The following PRKACA variants were observed in gnomAD, a reference collection of about 807,000 sequenced individuals.
The protein encoded by PRKACA is protein kinase cAMP-activated catalytic subunit alpha.
A neutral mutation model predicts 45.8 loss-of-function variants in PRKACA; 9 were observed. That is an observed-to-expected ratio of 0.20 (90% confidence interval 0.12 to 0.34). The LOEUF is 0.34. Among genes scored for constraint, PRKACA ranks in the 10% least tolerant of loss-of-function variants. The probability of loss-of-function intolerance (pLI) is 1.00; values close to 1 mark genes in which losing one functional copy is unlikely to be tolerated. For missense variants in PRKACA, 238 were observed against 458.6 expected (o/e 0.52, Z 4.39); for synonymous variants, 160 against 178.6 (o/e 0.90, Z 0.83).
chr19:14,114,554 G>A (rs1300673188), intron 1 of PRKACA, among the ~76,000 whole-genome samples: 1 of 151,884 alleles, frequency 6.6e-6, no homozygotes, highest in Non-Finnish European at 1.5e-5. Flanking sequence ...GGGATCGGGG[G>A]CTCCCTTTTA....
chr19:14,098,983 A>C (rs765574844), intron 5 of PRKACA, among the ~76,000 whole-genome samples: 4 of 152,112 alleles, frequency 2.6e-5, no homozygotes, highest in Non-Finnish European at 5.9e-5. Context: ...ATCTATAGTT[A>C]TCTATCTAAA....
rs1471045737 is a variant in PRKACA at position 14,093,297 on chromosome 19, A to G, written c.931-60T>C. The G allele has an allele frequency of 2.5e-6, 4 of 1,571,764 alleles. 1 individual carries two copies. The highest frequency in any genetic ancestry group is 3.5e-6 in the Non-Finnish European group (4 of 1,152,374). On this transcript the variant is annotated intron_variant, in intron 9 of 9. Coordinates refer to ENST00000308677, the MANE Select transcript of PRKACA (RefSeq NM_002730.4). Reference sequence around the variant, plus strand: ...ATTCAACATAATCATTATTACAACAATAAATGCGAATGGCCTAACATTCAA... The same window carrying G: ...ATTCAACATAATCATTATTACAACAGTAAATGCGAATGGCCTAACATTCAA...
chr19:14,105,267 T>C (rs1977568551), intron 3 of PRKACA, among the ~76,000 whole-genome samples: 2 of 152,104 alleles, frequency 1.3e-5, no homozygotes, highest in African/African-American at 2.4e-5. Context: ...ATCCCAGCAC[T>C]TTGGAAGGCT....
In PRKACA at chr19:14,092,794, G is replaced by T; in HGVS notation, c.*318C>A. ...TGGATACACCAGCAAGACCTGGTCT[G>T]ACTGGAGTTGAGAAACTCGTTTAAA... is the stretch of plus-strand genomic sequence containing the variant. On this transcript the variant is annotated 3_prime_UTR_variant, in exon 10 of 10. Transcript: ENST00000308677. 2.2e-6 allele frequency: 1 copy of T among 465,052 alleles called. No homozygotes were observed. The highest frequency in any genetic ancestry group is 5.5e-5 in the South Asian group (1 of 18,126). 28.8% of individuals were successfully genotyped at this position (465,052 alleles called of 1,614,324 possible). A position where few individuals can be genotyped will look rare whatever the true frequency, so the allele number is the denominator to read the frequency against.
intron 1 of PRKACA, among the ~76,000 whole-genome samples, chr19:14,112,857 G>A (rs183555790): frequency 3.3e-5 from 5 of 152,334 alleles, no homozygotes; most frequent in African/African-American, 1.2e-4. Flanking sequence ...GGGCAGAGGG[G>A]AAAGAGTTAA....
chr19:14,103,001 A>C (rs951347277), intron 3 of PRKACA, 87 bp from the exon 4 acceptor site: 3 of 1,095,780 alleles, frequency 2.7e-6, no homozygotes, highest in Non-Finnish European at 4.2e-6. Flanking sequence ...GGGATGCCGG[A>C]GCCAGGCCGG....
At chr19:14,116,337 T>C (rs1967105235) in intron 1 of PRKACA, among the ~76,000 whole-genome samples, 5 of 152,122 alleles carry the variant, frequency 3.3e-5, no homozygotes, top group Admixed American at 3.3e-4. Flanking sequence ...CAACCTAATG[T>C]GTGGGCAAGT....
intron 1 of PRKACA, among the ~76,000 whole-genome samples, chr19:14,111,502 C>T (rs577274349): frequency 6.6e-6 from 1 of 152,286 alleles, no homozygotes; most frequent in African/African-American, 2.4e-5. Flanking sequence ...AATGAATGGC[C>T]AGGAGTCCTA....
intron 1 of PRKACA, among the ~76,000 whole-genome samples, chr19:14,109,984 A>G (rs1225866507): frequency 3.0e-5 from 3 of 100,212 alleles, no homozygotes; most frequent in Non-Finnish European, 5.7e-5. Flanking sequence ...ATATATATAT[A>G]TATATATATA....
chr19:14,093,041 A>AGGGGCCC lies in PRKACA; in HGVS notation c.*70_*71insGGGCCCC. On this transcript the variant is annotated 3_prime_UTR_variant, in exon 10 of 10. Coordinates refer to ENST00000308677, the MANE Select transcript of PRKACA (RefSeq NM_002730.4). ...CTGGGGCCCTCTGGCTGTTCAATCC[A>AGGGGCCC]ACCCTCCCACCCCCCCGACCAAAAA... The AGGGGCCC allele has an allele frequency of 4.0e-6, 2 of 500,020 alleles. No individual in the cohort carries two copies. Among genetic ancestry groups the AGGGGCCC allele is most frequent in the Non-Finnish European group, 7.2e-6 (2 of 278,308 alleles). The allele number at this position is 500,020 out of a possible 1,614,324, so 31.0% of individuals were successfully genotyped here. A position where few individuals can be genotyped will look rare whatever the true frequency, so the allele number is the denominator to read the frequency against.
intron 1 of PRKACA, among the ~76,000 whole-genome samples, chr19:14,113,204 C>A (rs1052263132): frequency 3.3e-5 from 5 of 152,024 alleles, no homozygotes; most frequent in African/African-American, 1.2e-4. Context: ...GCGGCTAAAC[C>A]CAGGGGTGGG....
intron 5 of PRKACA, chr19:14,098,527 G>C (rs1336791374): frequency 6.7e-6 from 1 of 149,334 alleles, no homozygotes; most frequent in Non-Finnish European, 1.5e-5. Flanking sequence ...AGACAGTCTC[G>C]CTCTCTTGCC....
rs374398241 is a variant in PRKACA, at chr19:14,092,527, G to A, written c.*585C>T. The A allele has an allele frequency of 3.5e-5, 14 of 398,350 alleles. No individual in the cohort carries two copies. Among genetic ancestry groups the A allele is most frequent in the African/African-American group, 2.3e-4 (11 of 48,554 alleles). The allele number at this position is 398,350 out of a possible 1,614,324, so 24.7% of individuals were successfully genotyped here. ...GGGAGGGGTGGGAGTAGAGGAAGGAGGGAGGGAGGCACTGGTGGAACTTAA... is the reference window on the plus strand; with the variant it reads ...GGGAGGGGTGGGAGTAGAGGAAGGAAGGAGGGAGGCACTGGTGGAACTTAA... On this transcript the variant is annotated 3_prime_UTR_variant, in exon 10 of 10. Transcript: ENST00000308677.
intron 5 of PRKACA, among the ~76,000 whole-genome samples, chr19:14,100,489 G>C (rs888598238): frequency 1.3e-5 from 2 of 151,860 alleles, no homozygotes; most frequent in Non-Finnish European, 2.9e-5. Flanking sequence ...GTGGAGACAG[G>C]GTTTTGCCAT....
Position 14,116,405 on chromosome 19 carries a change from C to A in PRKACA, c.46+1097G>T, listed in dbSNP as rs189152118. 8.5e-5 allele frequency among the ~76,000 whole-genome samples: 13 copies of A among 152,312 alleles called. No homozygotes were observed. In the East Asian group the frequency reaches 2.5e-3, roughly 29 times the overall value. ...GGGAATGATCAGAATCACTAGACGT[C>A]AAAGCAAATCACTAGACGTCACCCA... On this transcript the variant is annotated intron_variant, in intron 1 of 9. Coordinates refer to ENST00000308677, the MANE Select transcript of PRKACA (RefSeq NM_002730.4).
Position 14,117,486 on chromosome 19 carries a change from C to T in PRKACA, c.46+16G>A, listed in dbSNP as rs1354517068. ...CAGCGCAGGGCCAAGATCGGGGTCA[C>T]AGCCCGGGCACTCACCGCTCTCCTG... On this transcript the variant is annotated intron_variant, in intron 1 of 9. Transcript: ENST00000308677. 8.0e-7 allele frequency: 1 copy of T among 1,255,496 alleles called. No homozygotes were observed. The highest frequency in any genetic ancestry group is 2.2e-4 in the Middle Eastern group (1 of 4,582). The allele number at this position is 1,255,496 out of a possible 1,614,324, so 77.8% of individuals were successfully genotyped here. A position where few individuals can be genotyped will look rare whatever the true frequency, so the allele number is the denominator to read the frequency against.
Position 14,109,767 on chromosome 19 carries a change from G to A in PRKACA, c.47-2358C>T, listed in dbSNP as rs532608389. ...AGCCTGGCCAACATGGTGAAACCCC[G>A]TCTCTACTAAAAATACAAAAATTAG... is the stretch of plus-strand genomic sequence containing the variant. On this transcript the variant is annotated intron_variant, in intron 1 of 9. Transcript: ENST00000308677. Among the ~76,000 whole-genome samples, 28 of 149,314 alleles carry A rather than the reference G, an allele frequency of 1.9e-4. No individual in the cohort carries two copies. In the East Asian group the frequency reaches 4.5e-3, roughly 24 times the overall value.
At chr19:14,115,002 G>A (rs964249187) in intron 1 of PRKACA, among the ~76,000 whole-genome samples, 1 of 152,064 alleles carries the variant, frequency 6.6e-6, no homozygotes, top group South Asian at 2.1e-4. Flanking sequence ...CCCTGCCCCT[G>A]CCCCACCCTT....
chr19:14,112,778 C>G (rs1309324639), intron 1 of PRKACA: 4 of 152,492 alleles, frequency 2.6e-5, no homozygotes, highest in Non-Finnish European at 4.4e-5. Context: ...GACGCCAGGC[C>G]CTGCCTTCCT....
Sources: gnomAD v4.1 joint callset for allele counts (sites outside exome capture counted in the v4.1 genomes callset) on GRCh38, gnomAD v4.1.1 for gene constraint, MANE v1.5 for transcripts, NCBI Gene and HGNC (gene_info 2026-07-23, HGNC 2026-07-21) for gene names.